Variants in NCAM1 observed in about 807,000 individuals in gnomAD.
The protein encoded by NCAM1 is antigen recognized by monoclonal antibody 5.1H11.
A neutral mutation model predicts 109.8 loss-of-function variants in NCAM1; 14 were observed. The observed-to-expected ratio is 0.13, with a 90% CI of 0.08 to 0.20. The LOEUF (loss-of-function observed/expected upper bound fraction) is 0.20. Among genes scored for constraint, NCAM1 ranks in the 10% least tolerant of loss-of-function variants. NCAM1 has a pLI of 1.00. For missense variants in NCAM1, 774 were observed against 1,109.9 expected (o/e 0.70, Z 4.30); for synonymous variants, 418 against 442.9 (o/e 0.94, Z 0.70).
At chr11:113,055,716 G>C (rs146371550) in intron 1 of NCAM1, among the ~76,000 whole-genome samples, 1 of 151,646 alleles carries the variant, frequency 6.6e-6, no homozygotes, top group Non-Finnish European at 1.5e-5. Context: ...TCAATGTAAC[G>C]CAGCAAAGGT....
intron 1 of NCAM1, among the ~76,000 whole-genome samples, chr11:113,095,491 C>T (rs1449377424): frequency 6.6e-6 from 1 of 152,136 alleles, no homozygotes; most frequent in Middle Eastern, 3.2e-3. Context: ...CGCAGGCAGC[C>T]CATATTCAGG....
chr11:113,223,543 T>A (rs1224921583), intron 9 of NCAM1, among the ~76,000 whole-genome samples: 8 of 152,210 alleles, frequency 5.3e-5, no homozygotes. Context: ...ACTTGGAATA[T>A]CCCCTGCTTT....
intron 1 of NCAM1, among the ~76,000 whole-genome samples, chr11:113,109,717 C>A (rs1555093265): frequency 6.6e-6 from 1 of 152,080 alleles, no homozygotes; most frequent in Non-Finnish European, 1.5e-5. Flanking sequence ...TGCAGGGAAA[C>A]TGGGAAGAAC....
At chr11:113,205,303 A>G (rs1259010546) in intron 3 of NCAM1, among the ~76,000 whole-genome samples, 2 of 152,138 alleles carry the variant, frequency 1.3e-5, no homozygotes, top group Non-Finnish European at 1.5e-5. Context: ...AAAATGTGAT[A>G]AATTTAGCAC....
intron 1 of NCAM1, among the ~76,000 whole-genome samples, 191 bp from the exon 2 acceptor site, chr11:113,202,188 G>A (rs1555111929): frequency 6.6e-6 from 1 of 152,166 alleles, no homozygotes; most frequent in African/African-American, 2.4e-5. Context: ...CATGGCCCTG[G>A]CTGTTGGTGG....
chr11:112,965,161 T>C (rs1555065011), intron 1 of NCAM1, among the ~76,000 whole-genome samples: 1 of 152,132 alleles, frequency 6.6e-6, no homozygotes, highest in East Asian at 1.9e-4. Flanking sequence ...ACAATGATAA[T>C]TGATTAAACT....
intron 1 of NCAM1, among the ~76,000 whole-genome samples, chr11:113,194,953 C>G (rs1377156897): frequency 6.6e-6 from 1 of 152,162 alleles, no homozygotes; most frequent in Non-Finnish European, 1.5e-5. Context: ...AAGAGGACCC[C>G]AACTACGCTG....
intron 2 of NCAM1, among the ~76,000 whole-genome samples, chr11:113,203,798 C>T (rs1372678849): frequency 6.6e-6 from 1 of 152,236 alleles, no homozygotes; most frequent in Non-Finnish European, 1.5e-5. Flanking sequence ...TTGGAATCTG[C>T]ACTCCTATAC....
intron 3 of NCAM1, 105 bp downstream of exon 3, chr11:113,204,609 T>C: frequency 7.2e-6 from 8 of 1,108,410 alleles, no homozygotes; most frequent in Non-Finnish European, 9.0e-6. Context: ...GCTGAGGGCC[T>C]AACCAGTCCC....
At chr11:113,113,580 A>G (rs1453794114) in intron 1 of NCAM1, among the ~76,000 whole-genome samples, 1 of 152,190 alleles carries the variant, frequency 6.6e-6, no homozygotes, top group East Asian at 1.9e-4. Context: ...GGAATGTCCT[A>G]AATTGGCAAT....
intron 9 of NCAM1, among the ~76,000 whole-genome samples, chr11:113,223,036 G>T (rs561801970): frequency 6.6e-6 from 1 of 152,244 alleles, no homozygotes; most frequent in East Asian, 1.9e-4. Context: ...CTGGAAGGAG[G>T]GAGACAAAAA....
At chr11:112,973,298 A>G (rs1950929965) in intron 1 of NCAM1, among the ~76,000 whole-genome samples, 1 of 152,112 alleles carries the variant, frequency 6.6e-6, no homozygotes. Flanking sequence ...GCTGCCAGTC[A>G]CCAGTTAAGC....
intron 1 of NCAM1, among the ~76,000 whole-genome samples, chr11:112,967,791 G>T (rs556064639): frequency 6.6e-6 from 1 of 152,186 alleles, no homozygotes; most frequent in African/African-American, 2.4e-5. Context: ...GCAATTCCAT[G>T]TTGGTTGTGA....
intron 1 of NCAM1, among the ~76,000 whole-genome samples, chr11:113,057,050 G>C (rs1277845517): frequency 6.6e-6 from 1 of 152,170 alleles, no homozygotes; most frequent in East Asian, 1.9e-4. Flanking sequence ...AACTACATTA[G>C]TAATGATTGT....
intron 1 of NCAM1, among the ~76,000 whole-genome samples, chr11:112,991,776 A>G (rs961950378): frequency 1.3e-5 from 2 of 152,192 alleles, no homozygotes; most frequent in Non-Finnish European, 1.5e-5. Context: ...ATCATCAGTT[A>G]CTATTTGTGC....
At chr11:113,247,734 C>T (rs377200677) in intron 15 of NCAM1, among the ~76,000 whole-genome samples, 7 of 152,182 alleles carry the variant, frequency 4.6e-5, no homozygotes, top group East Asian at 1.9e-4. Flanking sequence ...ATGCAGTCCA[C>T]GCCAATAAAT....
At chr11:113,112,364 A>T (rs1219984388) in intron 1 of NCAM1, among the ~76,000 whole-genome samples, 5 of 152,228 alleles carry the variant, frequency 3.3e-5, no homozygotes, top group African/African-American at 1.2e-4. Flanking sequence ...TCTGACCTCT[A>T]AAAGTAGATG....
chr11:113,090,051 A>G (rs924985237), intron 1 of NCAM1, among the ~76,000 whole-genome samples: 5 of 152,234 alleles, frequency 3.3e-5, no homozygotes, highest in Non-Finnish European at 7.3e-5. Flanking sequence ...GTGTGCATTC[A>G]ATAATTGGAG....
intron 1 of NCAM1, among the ~76,000 whole-genome samples, chr11:113,037,911 C>A (rs755237049): frequency 1.8e-4 from 27 of 152,086 alleles, no homozygotes; most frequent in Non-Finnish European, 1.3e-4. Context: ...CAGACTTTTT[C>A]TTCGAGTGTG....
Sources: gnomAD v4.1 joint callset for allele counts (sites outside exome capture counted in the v4.1 genomes callset) on GRCh38, gnomAD v4.1.1 for gene constraint, MANE v1.5 for transcripts, NCBI Gene and HGNC (gene_info 2026-07-23, HGNC 2026-07-21) for gene names.